The following RIT2 variants were observed in gnomAD, a reference collection of about 807,000 sequenced individuals.
RIT2 encodes GTP-binding protein Rit2.
RIT2 carries 24 observed loss-of-function variants against 23.7 expected under a neutral mutation model. The observed-to-expected ratio is 1.01, with a 90% CI of 0.73 to 1.43. RIT2 has a LOEUF of 1.43. Among genes scored for constraint, RIT2 ranks in the 40% most tolerant of loss-of-function variants. The pLI, the probability that RIT2 is intolerant of heterozygous loss-of-function variation, is 0.00. For synonymous variants in RIT2, 107 were observed against 91.1 expected, an observed-to-expected ratio of 1.17 and a Z score of -0.99; for missense variants, 236 against 266.9, an observed-to-expected ratio of 0.88 and a Z score of 0.81.
intron 4 of RIT2, among the ~76,000 whole-genome samples, chr18:42,880,988 T>A (rs1009236469): frequency 6.6e-6 from 1 of 152,138 alleles, no homozygotes; most frequent in Admixed American, 6.5e-5. Flanking sequence ...TGTATTTTAG[T>A]AGAGACAGGG....
chr18:42,804,033 A>G (rs1266827055), intron 4 of RIT2, among the ~76,000 whole-genome samples: 3 of 152,220 alleles, frequency 2.0e-5, no homozygotes, highest in African/African-American at 7.2e-5. Flanking sequence ...CTTGACACAT[A>G]CTTATTAGTG....
intron 3 of RIT2, among the ~76,000 whole-genome samples, chr18:42,924,510 C>G (rs1412908170): frequency 6.6e-6 from 1 of 151,866 alleles, no homozygotes; most frequent in Non-Finnish European, 1.5e-5. Context: ...TTGGAAACTT[C>G]TTTTAAGTCT....
chr18:42,841,014 G>C (rs754258652), intron 4 of RIT2, among the ~76,000 whole-genome samples: 1 of 152,186 alleles, frequency 6.6e-6, no homozygotes, highest in Non-Finnish European at 1.5e-5. Context: ...TGTTTGGCAA[G>C]ACCTGAATGC....
At chr18:43,032,600 A>G (rs535813354) in intron 2 of RIT2, among the ~76,000 whole-genome samples, 2 of 152,164 alleles carry the variant, frequency 1.3e-5, no homozygotes, top group Non-Finnish European at 2.9e-5. Context: ...GCAGCTAACC[A>G]CTTCTAAAAC....
intron 1 of RIT2, among the ~76,000 whole-genome samples, chr18:43,048,897 GT>G (rs1912313694): frequency 6.6e-6 from 1 of 152,002 alleles, no homozygotes; most frequent in Admixed American, 6.6e-5. Context: ...TCATTTTTCT[GT>G]TGTTTAATTA....
chr18:42,871,904 G>A (rs1907630341), intron 4 of RIT2, among the ~76,000 whole-genome samples: 1 of 152,176 alleles, frequency 6.6e-6, no homozygotes, highest in Non-Finnish European at 1.5e-5. Context: ...CCATGGTAGG[G>A]AGTGTGTACA....
intron 1 of RIT2, among the ~76,000 whole-genome samples, chr18:43,071,756 T>C (rs1057498737): frequency 3.9e-5 from 6 of 152,222 alleles, no homozygotes; most frequent in Admixed American, 3.9e-4. Flanking sequence ...GTTTTCTTTA[T>C]AATTTTACCT....
chr18:42,842,148 CT>C (rs1906784859), intron 4 of RIT2, among the ~76,000 whole-genome samples: 1 of 152,146 alleles, frequency 6.6e-6, no homozygotes, highest in Non-Finnish European at 1.5e-5. Context: ...CCTTTAATGT[CT>C]TTGCCAGGTT....
intron 4 of RIT2, among the ~76,000 whole-genome samples, chr18:42,825,714 T>C (rs893232778): frequency 8.6e-5 from 13 of 151,914 alleles, no homozygotes; most frequent in African/African-American, 2.9e-4. Context: ...TATGTATGTA[T>C]ATTAATTTAC....
chr18:43,088,271 C>G (rs1042869160), intron 1 of RIT2, among the ~76,000 whole-genome samples: 1 of 152,092 alleles, frequency 6.6e-6, no homozygotes, highest in Non-Finnish European at 1.5e-5. Context: ...TGCAGTTGCC[C>G]AACATTTACA....
chr18:42,996,530 T>G (rs1293814833), intron 2 of RIT2, among the ~76,000 whole-genome samples: 3 of 152,084 alleles, frequency 2.0e-5, no homozygotes, highest in African/African-American at 7.2e-5. Context: ...GTTTCTGCCT[T>G]AACTGATGAC....
At chr18:42,791,045 T>A in intron 4 of RIT2, among the ~76,000 whole-genome samples, 1 of 152,300 alleles carries the variant, frequency 6.6e-6, no homozygotes, top group South Asian at 2.1e-4. Flanking sequence ...CCTACATGCC[T>A]TTTGTTGTTC....
At chr18:42,815,298 G>A (rs1340065450) in intron 4 of RIT2, among the ~76,000 whole-genome samples, 2 of 152,084 alleles carry the variant, frequency 1.3e-5, no homozygotes, top group Admixed American at 1.3e-4. Context: ...AGGAAACAAT[G>A]GACACACTTA....
At chr18:42,819,717 C>T (rs1215359057) in intron 4 of RIT2, among the ~76,000 whole-genome samples, 1 of 151,970 alleles carries the variant, frequency 6.6e-6, no homozygotes, top group Non-Finnish European at 1.5e-5. Flanking sequence ...ATTCATTGTC[C>T]CATTTTATTC....
At chr18:42,774,618 C>T (rs1410754258) in intron 4 of RIT2, among the ~76,000 whole-genome samples, 6 of 123,868 alleles carry the variant, frequency 4.8e-5, no homozygotes, top group Admixed American at 4.7e-4. Flanking sequence ...TTCAAATTGA[C>T]TAGACTTTTT....
chr18:42,822,271 C>T (rs1906173371), intron 4 of RIT2, among the ~76,000 whole-genome samples: 2 of 152,136 alleles, frequency 1.3e-5, no homozygotes, highest in African/African-American at 4.8e-5. Context: ...TTTAAAGCTT[C>T]TACACCTGTA....
At chr18:43,100,641 C>T (rs1913661768) in intron 1 of RIT2, among the ~76,000 whole-genome samples, 1 of 152,008 alleles carries the variant, frequency 6.6e-6, no homozygotes, top group South Asian at 2.1e-4. Flanking sequence ...AAAAAGGACA[C>T]CTCTGGATAT....
At chr18:43,021,606 T>C (rs748391399) in intron 2 of RIT2, among the ~76,000 whole-genome samples, 5 of 152,164 alleles carry the variant, frequency 3.3e-5, no homozygotes, top group Non-Finnish European at 7.4e-5. Context: ...CCTGGAATAG[T>C]GAGTGAGTCA....
chr18:43,048,997 A>C lies in RIT2; in HGVS notation c.104-15130T>G, dbSNP rs945188190. On this transcript the variant is annotated intron_variant, in intron 1 of 4. Coordinates refer to ENST00000326695, the MANE Select transcript of RIT2 (RefSeq NM_002930.4). ...TTAGACTGAATTGAAAAATAGTTTG[A>C]ATCTAGAGTAGTCACTCCATTTATT... Among the ~76,000 whole-genome samples the C allele has an allele frequency of 3.3e-5, 5 of 152,184 alleles. No homozygotes were observed. In the East Asian group the frequency reaches 9.6e-4, roughly 29 times the overall value.
Sources: gnomAD v4.1 joint callset for allele counts (sites outside exome capture counted in the v4.1 genomes callset) on GRCh38, gnomAD v4.1.1 for gene constraint, MANE v1.5 for transcripts, NCBI Gene and HGNC (gene_info 2026-07-23, HGNC 2026-07-21) for gene names.